DPYSL2: variants seen among roughly 807,000 people sequenced by gnomAD.
The protein encoded by DPYSL2 is dihydropyrimidinase-related protein 2.
In DPYSL2, 13 loss-of-function variants were observed where a neutral mutation model predicts 69.9. That is an observed-to-expected ratio of 0.19 (90% CI 0.12 to 0.30). The LOEUF is 0.30. DPYSL2 is among the 10% of genes least tolerant of loss of function. DPYSL2 has a pLI of 1.00. For missense variants in DPYSL2, 587 were observed against 918.9 expected (o/e 0.64, Z 4.67); for synonymous variants, 326 against 359.1 (o/e 0.91, Z 1.04).
chr8:26,639,146 G>A (rs936151598), intron 8 of DPYSL2, among the ~76,000 whole-genome samples: 12 of 152,328 alleles, frequency 7.9e-5, no homozygotes, highest in African/African-American at 2.6e-4. Context: ...GCACATGGTC[G>A]CAGGGCCTGT....
intron 8 of DPYSL2, among the ~76,000 whole-genome samples, chr8:26,638,642 T>G (rs1349574028): frequency 1.3e-5 from 2 of 152,148 alleles, no homozygotes; most frequent in Non-Finnish European, 2.9e-5. Context: ...TCAACCCAAT[T>G]TGGCAGCTGA....
Position 26,565,214 on chromosome 8 carries a change from T to C in DPYSL2, c.355-16755T>C, listed in dbSNP as rs1801130159. Among the ~76,000 whole-genome samples, 1 of 152,106 alleles carries C rather than the reference T, an allele frequency of 6.6e-6. No individual in the cohort carries two copies. ...GGCACTTAGGCTGGTTCCATATTTG[T>C]GCAACTGTGACTTGTGCTGCAATAA... On this transcript the variant is annotated intron_variant, in intron 1 of 13. Coordinates refer to ENST00000521913, the MANE Select transcript of DPYSL2 (RefSeq NM_001197293.3). The surrounding 1 kb of genome is among the most constrained non-coding windows in gnomAD (Gnocchi z 4.1).
At chr8:26,577,268 A>C (rs1801371494) in intron 1 of DPYSL2, 1 of 371,664 alleles carries the variant, frequency 2.7e-6, no homozygotes, top group Admixed American at 3.5e-5. Flanking sequence ...CGCTCCCGGG[A>C]AGCAGCCGCC....
Position 26,643,857 on chromosome 8 carries a change from T to C in DPYSL2, c.1284-93T>C. The C allele has an allele frequency of 6.7e-7, 1 of 1,490,034 alleles. No individual in the cohort carries two copies. Among genetic ancestry groups the C allele is most frequent in the Non-Finnish European group, 9.0e-7 (1 of 1,106,518 alleles). 92.3% of individuals were successfully genotyped at this position (1,490,034 alleles called of 1,614,324 possible). A position where few individuals can be genotyped will look rare whatever the true frequency, so the allele number is the denominator to read the frequency against. On this transcript the variant is annotated intron_variant, in intron 9 of 13. Transcript: ENST00000521913. The surrounding 1 kb of genome is among the most constrained non-coding windows in gnomAD (Gnocchi z 6.5). ...GTCAAAAGGACTCCACTTGGGTTGG[T>C]GTGATGCCATTCATGAGACAGCCCA...
At position 26,593,466 on chromosome 8, in the gene DPYSL2, C is replaced by T. The variant is rs1200354342; in HGVS notation, c.628+9483C>T. On this transcript the variant is annotated intron_variant, in intron 3 of 13. Coordinates refer to ENST00000521913, the MANE Select transcript of DPYSL2 (RefSeq NM_001197293.3). This position sits in a 1 kb window ranked among gnomAD's most constrained non-coding sequence, Gnocchi z 5.7. ...AAGATTTTCCGAAACCCAGAGCTGC[C>T]CTCTGCTCCCTGCTTTGTCCTGTCC... 6.6e-6 allele frequency among the ~76,000 whole-genome samples: 1 copy of T among 152,140 alleles called. No individual in the cohort carries two copies. Among genetic ancestry groups the T allele is most frequent in the Non-Finnish European group, 1.5e-5 (1 of 68,018 alleles).
intron 1 of DPYSL2, among the ~76,000 whole-genome samples, chr8:26,552,499 T>A (rs746710615): frequency 1.3e-5 from 2 of 152,202 alleles, no homozygotes; most frequent in Non-Finnish European, 2.9e-5. Flanking sequence ...CATTTACTGT[T>A]GCTATAAATG....
chr8:26,602,653 T>A (rs928660388), intron 3 of DPYSL2, among the ~76,000 whole-genome samples: 2 of 152,240 alleles, frequency 1.3e-5, no homozygotes, highest in African/African-American at 4.8e-5. Flanking sequence ...CATTCCTTCA[T>A]CCGTTCATTT....
intron 3 of DPYSL2, among the ~76,000 whole-genome samples, chr8:26,611,266 G>T (rs1802221780): frequency 6.6e-6 from 1 of 152,200 alleles, no homozygotes; most frequent in South Asian, 2.1e-4. Context: ...CTGGGTGCTT[G>T]CTGTTCTCAC....
Position 26,517,413 on chromosome 8 carries a change from G to T in DPYSL2, c.354+2734G>T, listed in dbSNP as rs1450863797. The stretch of plus-strand genomic sequence containing the variant: ...GGCGGAGGAAAAGAGCTGGCATAGT[G>T]GTTGTGAATGAGGAAAGCCTCTATC... On this transcript the variant is annotated intron_variant, in intron 1 of 13. Transcript: ENST00000521913. This position sits in a 1 kb window ranked among gnomAD's most constrained non-coding sequence, Gnocchi z 4.2. Among the ~76,000 whole-genome samples, 3 of 152,186 alleles carry T rather than the reference G, an allele frequency of 2.0e-5. No individual in the cohort carries two copies. The highest frequency in any genetic ancestry group is 4.4e-5 in the Non-Finnish European group (3 of 68,042).
intron 3 of DPYSL2, among the ~76,000 whole-genome samples, chr8:26,599,774 AC>A (rs138950412): frequency 0.026 from 3,983 of 152,252 alleles, 162 homozygotes; most frequent in African/African-American, 0.09. Flanking sequence ...TGATTTGTAT[AC>A]CCTCAGATTC....
rs973839655 is a variant in DPYSL2 at position 26,644,884 on chromosome 8, T to G, written c.1425+793T>G. Among the ~76,000 whole-genome samples the G allele has an allele frequency of 3.3e-5, 5 of 152,158 alleles. No homozygotes were observed. Among genetic ancestry groups the G allele is most frequent in the Admixed American group, 6.5e-5 (1 of 15,274 alleles). ...ATCTTTGGGCTTTTTCATTTTAATG[T>G]TTTAAAATATATTAACAGAATAGGT... On this transcript the variant is annotated intron_variant, in intron 10 of 13. Transcript: ENST00000521913. This position sits in a 1 kb window ranked among gnomAD's most constrained non-coding sequence, Gnocchi z 4.5.
At position 26,576,518 on chromosome 8, in the gene DPYSL2, C is replaced by T. The variant is rs570875699; in HGVS notation, c.355-5451C>T. ...CACGGGGGTTGGCCTCGGTAGATTC[C>T]TGAGGATCAACTGGATCAGCGTTTT... On this transcript the variant is annotated intron_variant, in intron 1 of 13. Transcript: ENST00000521913. Among the ~76,000 whole-genome samples, 221 of 152,248 alleles carry T rather than the reference C, an allele frequency of 1.5e-3. 1 individual carries two copies. Among genetic ancestry groups the T allele is most frequent in the Non-Finnish European group, 2.6e-3 (177 of 68,020 alleles).
Position 26,620,581 on chromosome 8 carries a change from C to G in DPYSL2, c.629-3562C>G, listed in dbSNP as rs915971838. On this transcript the variant is annotated intron_variant, in intron 3 of 13. Coordinates refer to ENST00000521913, the MANE Select transcript of DPYSL2 (RefSeq NM_001197293.3). This position sits in a 1 kb window ranked among gnomAD's most constrained non-coding sequence, Gnocchi z 4.5. Reference sequence around the variant, plus strand: ...TGAATGGAGCAAAATAGCCCAGGAACAGAACCTGGTATTGTCTCTCTGTAA... The same window carrying G: ...TGAATGGAGCAAAATAGCCCAGGAAGAGAACCTGGTATTGTCTCTCTGTAA... Among the ~76,000 whole-genome samples, 2 of 152,090 alleles carry G rather than the reference C, an allele frequency of 1.3e-5. No homozygotes were observed. The highest frequency in any genetic ancestry group is 2.9e-5 in the Non-Finnish European group (2 of 68,030).
intron 1 of DPYSL2, among the ~76,000 whole-genome samples, chr8:26,569,386 A>AAAC (rs1491544010): frequency 3.4e-5 from 5 of 147,334 alleles, no homozygotes; most frequent in Non-Finnish European, 7.5e-5. Flanking sequence ...ACAAAAAAAA[A>AAAC]CCAAAGAAAA....
Position 26,656,912 on chromosome 8 carries a change from G to C in DPYSL2, c.*1206G>C, listed in dbSNP as rs60418065. On this transcript the variant is annotated 3_prime_UTR_variant, in exon 14 of 14. Coordinates refer to ENST00000521913, the MANE Select transcript of DPYSL2 (RefSeq NM_001197293.3). The stretch of plus-strand genomic sequence containing the variant: ...AAAGTCACGGTCAAACCTAAACACC[G>C]AGCCTCATTAACCCAAGTGAACCAA... 7.9e-5 allele frequency: 12 copies of C among 152,508 alleles called. No individual in the cohort carries two copies. The highest frequency in any genetic ancestry group is 2.6e-4 in the African/African-American group (11 of 41,534). The allele number at this position is 152,508 out of a possible 1,614,324, so 9.4% of individuals were successfully genotyped here.
chr8:26,567,913 A>G (rs1801177688), intron 1 of DPYSL2, among the ~76,000 whole-genome samples: 1 of 152,120 alleles, frequency 6.6e-6, no homozygotes, highest in Non-Finnish European at 1.5e-5. Flanking sequence ...TGGTCTTTTT[A>G]CTATCCTACC....
chr8:26,643,643 A>G lies in DPYSL2; in HGVS notation c.1283+48A>G, dbSNP rs564872054. Reference sequence around the variant, plus strand: ...CACTTCACATTCTGTCTTTCTTCAGACCAGACTGACCTGTTAGGCGAAAAC... The same window carrying G: ...CACTTCACATTCTGTCTTTCTTCAGGCCAGACTGACCTGTTAGGCGAAAAC... On this transcript the variant is annotated intron_variant, in intron 9 of 13. Coordinates refer to ENST00000521913, the MANE Select transcript of DPYSL2 (RefSeq NM_001197293.3). This position sits in a 1 kb window ranked among gnomAD's most constrained non-coding sequence, Gnocchi z 6.5. The G allele has an allele frequency of 4.3e-6, 7 of 1,613,298 alleles. No homozygotes were observed. In the East Asian group the frequency reaches 1.3e-4, roughly 31 times the overall value.
intron 3 of DPYSL2, among the ~76,000 whole-genome samples, chr8:26,618,768 C>G (rs1257090935): frequency 7.2e-6 from 1 of 139,520 alleles, no homozygotes; most frequent in Non-Finnish European, 1.5e-5. Context: ...TGGTGAAACC[C>G]CATCTCTACC....
At chr8:26,584,478 C>G (rs573074233) in intron 3 of DPYSL2, among the ~76,000 whole-genome samples, 3 of 152,234 alleles carry the variant, frequency 2.0e-5, no homozygotes, top group Admixed American at 2.0e-4. Flanking sequence ...ACGATACTCT[C>G]TAGGCTGAGT....
Sources: gnomAD v4.1 joint callset for allele counts (sites outside exome capture counted in the v4.1 genomes callset) on GRCh38, gnomAD v4.1.1 for gene constraint, Gnocchi (gnomAD v3.1) non-coding constraint, MANE v1.5 for transcripts, NCBI Gene and HGNC (gene_info 2026-07-23, HGNC 2026-07-21) for gene names.